Variants in MAPRE2 observed in about 807,000 individuals in gnomAD.
The protein encoded by MAPRE2 is microtubule-associated protein RP/EB family member 2.
In MAPRE2, 13 loss-of-function variants were observed where a neutral mutation model predicts 43.2. That is an observed-to-expected ratio of 0.30 (90% CI 0.20 to 0.48). MAPRE2 has a LOEUF of 0.48. MAPRE2 is among the 20% of genes least tolerant of loss of function. MAPRE2 has a pLI of 0.99. For synonymous variants in MAPRE2, 135 were observed against 148.8 expected (o/e 0.91, Z 0.68); for missense variants, 161 against 400.2 (o/e 0.40, Z 5.10).
intron 1 of MAPRE2, among the ~76,000 whole-genome samples, chr18:35,048,255 C>T (rs1905739047): frequency 6.6e-6 from 1 of 152,110 alleles, no homozygotes; most frequent in Non-Finnish European, 1.5e-5. Context: ...CACTCAGTGT[C>T]ATGAGGACAG....
Position 35,102,179 on chromosome 18 carries a change from G to A in MAPRE2, c.610+20G>A, listed in dbSNP as rs370470115. The A allele has an allele frequency of 2.1e-5, 33 of 1,540,810 alleles. No individual in the cohort carries two copies. In the African/African-American group the frequency reaches 4.6e-4, roughly 21 times the overall value. Reference sequence around the variant, plus strand: ...CAGCAGGTATTGTCACAATGAGATTGCGGGAGTTGCTTTCATCTTTGATAA... The same window carrying A: ...CAGCAGGTATTGTCACAATGAGATTACGGGAGTTGCTTTCATCTTTGATAA... On this transcript the variant is annotated intron_variant, in intron 4 of 6. Coordinates refer to ENST00000300249, the MANE Select transcript of MAPRE2 (RefSeq NM_014268.4).
intron 1 of MAPRE2, among the ~76,000 whole-genome samples, chr18:35,057,357 A>G (rs960157890): frequency 2.6e-5 from 4 of 152,096 alleles, no homozygotes; most frequent in Admixed American, 2.6e-4. Flanking sequence ...CACAATTTTT[A>G]TCTGCTTTTT....
At chr18:35,134,583 TGGAGCAG>T (rs1910303951) in intron 6 of MAPRE2, among the ~76,000 whole-genome samples, 1 of 152,204 alleles carries the variant, frequency 6.6e-6, no homozygotes, top group Non-Finnish European at 1.5e-5. Context: ...GTGGGTACCA[TGGAGCAG>T]GGAGGAAACG....
intron 2 of MAPRE2, among the ~76,000 whole-genome samples, chr18:35,009,815 A>G (rs2097033572): frequency 6.6e-6 from 1 of 152,146 alleles, no homozygotes; most frequent in South Asian, 2.1e-4. Flanking sequence ...TGATAATCTA[A>G]TCCAACATCT....
intron 1 of MAPRE2, among the ~76,000 whole-genome samples, chr18:35,044,674 A>T (rs1905532917): frequency 6.6e-6 from 1 of 152,216 alleles, no homozygotes; most frequent in Non-Finnish European, 1.5e-5. Flanking sequence ...GTTGTTACTG[A>T]AAAAGGGCTC....
intron 2 of MAPRE2, among the ~76,000 whole-genome samples, chr18:35,094,878 A>G (rs148646688): frequency 1.3e-5 from 2 of 152,232 alleles, no homozygotes; most frequent in Non-Finnish European, 2.9e-5. Flanking sequence ...CTCAACTCAG[A>G]TACTGAGGCA....
intron 1 of MAPRE2, among the ~76,000 whole-genome samples, chr18:35,060,897 CTG>C (rs1433314466): frequency 1.3e-5 from 2 of 152,008 alleles, no homozygotes; most frequent in Admixed American, 1.3e-4. Context: ...TTGGAGACAC[CTG>C]TGTTTTAATG....
At chr18:35,092,212 A>G (rs989608083) in intron 2 of MAPRE2, among the ~76,000 whole-genome samples, 4 of 152,234 alleles carry the variant, frequency 2.6e-5, no homozygotes, top group African/African-American at 2.4e-5. Context: ...GGGGATTACA[A>G]TTGAACATGA....
Position 35,126,988 on chromosome 18 carries a change from A to G in MAPRE2, c.651A>G (p.Thr217=), listed in dbSNP as rs1366711659. The G allele has an allele frequency of 1.2e-6, 2 of 1,613,970 alleles. No individual in the cohort carries two copies. The highest frequency in any genetic ancestry group is 2.7e-5 in the African/African-American group (2 of 74,888). Residue 217 remains threonine (T), a synonymous_variant, in exon 5 of 7, where the codon ACA becomes ACG. Transcript: ENST00000300249. ...GTCCAGCAGCTAAACCAGGATCCAC[A>G]CCTTCTCGACCCTCATCAGCCAAAA... ...KSSPAAKPGS[T]PSRPSSAKRA...
intron 2 of MAPRE2, among the ~76,000 whole-genome samples, chr18:35,076,169 A>G (rs1441776636): frequency 1.3e-5 from 2 of 152,198 alleles, no homozygotes; most frequent in South Asian, 2.1e-4. Flanking sequence ...ATTCAATTCT[A>G]TAATCAATTT....
intron 1 of MAPRE2, among the ~76,000 whole-genome samples, chr18:34,997,081 T>A (rs1357760725): frequency 1.3e-5 from 2 of 152,204 alleles, no homozygotes; most frequent in Non-Finnish European, 2.9e-5. Flanking sequence ...GCAACATTCA[T>A]TCATTATTCA....
At chr18:35,069,914 T>C (rs796563156) in intron 1 of MAPRE2, among the ~76,000 whole-genome samples, 7 of 152,250 alleles carry the variant, frequency 4.6e-5, no homozygotes, top group African/African-American at 1.7e-4. Context: ...AGACTTACAG[T>C]CAAAAGGGAG....
intron 2 of MAPRE2, among the ~76,000 whole-genome samples, chr18:35,015,605 A>G (rs2150584901): frequency 6.7e-6 from 1 of 149,888 alleles, no homozygotes; most frequent in African/African-American, 2.5e-5. Flanking sequence ...ATAATTTTAC[A>G]CAGTTGGTGG....
chr18:35,110,078 C>T (rs1909111044), intron 4 of MAPRE2, among the ~76,000 whole-genome samples: 1 of 151,988 alleles, frequency 6.6e-6, no homozygotes, highest in Non-Finnish European at 1.5e-5. Context: ...TACTGTACAC[C>T]TTTATGTAAA....
intron 1 of MAPRE2, among the ~76,000 whole-genome samples, chr18:35,045,663 T>C (rs1044059759): frequency 6.6e-6 from 1 of 152,200 alleles, no homozygotes; most frequent in African/African-American, 2.4e-5. Context: ...TTCCATTCAA[T>C]AGAGGCTATT....
At chr18:35,034,441 A>G (rs1308347277) in intron 2 of MAPRE2, among the ~76,000 whole-genome samples, 2 of 152,180 alleles carry the variant, frequency 1.3e-5, no homozygotes, top group African/African-American at 2.4e-5. Flanking sequence ...CATTCAGGAC[A>G]TAGGCATGGG....
chr18:35,099,723 A>G (rs1220700392), intron 3 of MAPRE2, among the ~76,000 whole-genome samples: 1 of 152,244 alleles, frequency 6.6e-6, no homozygotes, highest in African/African-American at 2.4e-5. Context: ...GAAGAGCAAC[A>G]TATCACCACC....
In MAPRE2 at chr18:34,996,582, G is replaced by A. The variant is rs947198574; in HGVS notation, c.-69-8910G>A. ...GGTACTCAAGAGTCCCAGCTTCAAA[G>A]TACAACAAACATGGGTTGGAAGCTT... On this transcript the variant is annotated intron_variant, in intron 1 of 7. Coordinates refer to the MAPRE2 transcript ENST00000413393. 3.3e-5 allele frequency among the ~76,000 whole-genome samples: 5 copies of A among 152,224 alleles called. No individual in the cohort carries two copies. In the East Asian group the frequency reaches 7.7e-4, roughly 24 times the overall value.
chr18:35,062,417 G>A (rs1039426991), intron 1 of MAPRE2, among the ~76,000 whole-genome samples: 5 of 152,098 alleles, frequency 3.3e-5, no homozygotes, highest in Admixed American at 6.5e-5. Flanking sequence ...TTTACAAAAC[G>A]GCTATTTCTG....
Sources: allele counts gnomAD v4.1 joint callset (sites outside exome capture counted in the v4.1 genomes callset), GRCh38; gene constraint gnomAD v4.1.1; transcripts MANE v1.5; gene names NCBI Gene and HGNC (gene_info 2026-07-23, HGNC 2026-07-21).